SPON1: variants seen among roughly 807,000 people sequenced by gnomAD.
The protein encoded by SPON1 is spondin 1, also known as spondin-1.
Under a neutral mutation model 111.7 loss-of-function variants are expected in SPON1, and 52 were observed. The observed-to-expected ratio is 0.47, with a 90% CI of 0.37 to 0.59. The LOEUF (loss-of-function observed/expected upper bound fraction) is 0.59. Ranked by LOEUF, SPON1 falls within the 20% of genes least tolerant of loss-of-function variation. The probability of loss-of-function intolerance (pLI) is 0.00; values close to 1 mark genes in which losing one functional copy is unlikely to be tolerated. For missense variants in SPON1, 957 were observed against 1,068.5 expected (o/e 0.90, Z 1.46); for synonymous variants, 410 against 395.8 (o/e 1.04, Z -0.43).
chr11:14,177,657 A>T (rs1848192995), intron 6 of SPON1, among the ~76,000 whole-genome samples: 1 of 152,302 alleles, frequency 6.6e-6, no homozygotes, highest in Non-Finnish European at 1.5e-5. Flanking sequence ...TACAAAGGCA[A>T]TCTAGTCCCT....
intron 5 of SPON1, among the ~76,000 whole-genome samples, chr11:14,080,671 G>A (rs930472901): frequency 1.3e-5 from 2 of 152,132 alleles, no homozygotes; most frequent in Non-Finnish European, 1.5e-5. Context: ...TGGAAATAGC[G>A]GCAAAAGGGA....
chr11:14,137,710 AC>A (rs1286424468), intron 6 of SPON1, among the ~76,000 whole-genome samples: 2 of 152,146 alleles, frequency 1.3e-5, no homozygotes, highest in East Asian at 3.8e-4. Flanking sequence ...AGATGGCAGT[AC>A]CGTGAATTTC....
At chr11:14,019,898 C>G (rs1165669597) in intron 2 of SPON1, among the ~76,000 whole-genome samples, 1 of 152,168 alleles carries the variant, frequency 6.6e-6, no homozygotes, top group Non-Finnish European at 1.5e-5. Flanking sequence ...AGGCCACTAC[C>G]CCTTTTGTCA....
At chr11:14,240,214 A>T (rs1848910700) in intron 6 of SPON1, among the ~76,000 whole-genome samples, 1 of 152,232 alleles carries the variant, frequency 6.6e-6, no homozygotes, top group Admixed American at 6.5e-5. Context: ...AGGCATGGTG[A>T]TATGGCCATG....
intron 7 of SPON1, among the ~76,000 whole-genome samples, chr11:14,253,070 C>T (rs888913849): frequency 1.3e-5 from 2 of 152,196 alleles, no homozygotes; most frequent in African/African-American, 4.8e-5. Context: ...CAGGGAGCTT[C>T]TTAGGTAGCA....
At chr11:14,003,268 A>G (rs1290781189) in intron 2 of SPON1, among the ~76,000 whole-genome samples, 1 of 152,210 alleles carries the variant, frequency 6.6e-6, no homozygotes, top group Non-Finnish European at 1.5e-5. Context: ...TTCCAAAGAA[A>G]GGAGCACTAA....
chr11:13,979,667 A>G (rs1181108715), intron 1 of SPON1, among the ~76,000 whole-genome samples: 1 of 152,226 alleles, frequency 6.6e-6, no homozygotes, highest in Non-Finnish European at 1.5e-5. Context: ...TGGACCTTTC[A>G]TCTTAGGCAG....
chr11:14,076,527 T>G (rs1554921462), intron 4 of SPON1, among the ~76,000 whole-genome samples: 1 of 152,210 alleles, frequency 6.6e-6, no homozygotes, highest in Non-Finnish European at 1.5e-5. Flanking sequence ...ATTATTATAT[T>G]TTTATTTTAT....
Position 13,982,970 on chromosome 11 carries a change from G to T in SPON1, c.345+17G>T, listed in dbSNP as rs372640013. On this transcript the variant is annotated intron_variant, in intron 2 of 15. Transcript: ENST00000576479. ...ACCTTCCAGGTAAGACCCTGCCTGGGCTTATTCAGTGGCCCTCCCTGCCCT... is the reference window on the plus strand; with the variant it reads ...ACCTTCCAGGTAAGACCCTGCCTGGTCTTATTCAGTGGCCCTCCCTGCCCT... The T allele has an allele frequency of 4.0e-6, 6 of 1,501,850 alleles. No individual in the cohort carries two copies. The highest frequency in any genetic ancestry group is 4.5e-6 in the Non-Finnish European group (5 of 1,101,482). The allele number at this position is 1,501,850 out of a possible 1,614,324, so 93.0% of individuals were successfully genotyped here. A position where few individuals can be genotyped will look rare whatever the true frequency, so the allele number is the denominator to read the frequency against.
In SPON1 at chr11:14,259,411, A is replaced by G. The variant is rs1476217257; in HGVS notation, c.1624A>G (p.Thr542Ala). ...GGACGGCTCCGTGTGCACGCTGCCC[A>G]CTGAGGAAACGGAGAAGTGCACGGT... ...PEDGSVCTLP[T>A]EETEKCTVNE... The change falls in exon 12 of 16, where the codon ACT becomes GCT. Residue 542 changes from threonine to alanine, a missense_variant. By Grantham distance (58) the Thr-to-Ala change is moderately conservative (BLOSUM62 0). This residue lies in a region of SPON1 where 549 missense variants were observed against 606.2 expected (regional missense o/e 0.91). Transcript: ENST00000576479. The surrounding 1 kb of genome is among the most constrained non-coding windows in gnomAD (Gnocchi z 5.0). 58 of 1,610,886 alleles carry G rather than the reference A, an allele frequency of 3.6e-5. No homozygotes were observed. Among genetic ancestry groups the G allele is most frequent in the Non-Finnish European group, 4.5e-5 (53 of 1,178,902 alleles).
intron 6 of SPON1, among the ~76,000 whole-genome samples, chr11:14,189,196 T>C (rs1848317401): frequency 6.6e-6 from 1 of 152,244 alleles, no homozygotes; most frequent in Non-Finnish European, 1.5e-5. Context: ...AAGCCAATGA[T>C]TGCAGAGTCC....
chr11:14,050,199 ACT>A (rs1848698121), intron 3 of SPON1, among the ~76,000 whole-genome samples: 1 of 152,164 alleles, frequency 6.6e-6, no homozygotes, highest in Admixed American at 6.5e-5. Flanking sequence ...ATGATGTCTA[ACT>A]CTGTATATTT....
At chr11:14,178,045 AACACAC>A (rs5789825) in intron 6 of SPON1, among the ~76,000 whole-genome samples, 90 of 142,702 alleles carry the variant, frequency 6.3e-4, no homozygotes, top group African/African-American at 2.0e-3. Flanking sequence ...CACACACACA[AACACAC>A]ACACACACAC....
In SPON1 at chr11:14,262,919, G is replaced by A. The variant is rs782247429; in HGVS notation, c.2204G>A (p.Arg735Gln). 21 of 1,613,702 alleles carry A rather than the reference G, an allele frequency of 1.3e-5. No individual in the cohort carries two copies. Among genetic ancestry groups the A allele is most frequent in the East Asian group, 2.2e-5 (1 of 44,878 alleles). ...SIQKLRWREA[R>Q]ESRRSEQLKE... is the part of the protein sequence containing the mutation. ...CAAAAGCTACGCTGGAGGGAGGCCC[G>A]AGAGAGCCGGCGGAGTGAGCAGCTG... Residue 735 changes from arginine (R) to glutamine (Q), a missense_variant, in exon 15 of 16, where the codon CGA (arginine) becomes CAA (glutamine). Around this residue, in one of 5 missense-constraint regions of SPON1, gnomAD observed 549 missense variants for 606.2 expected, o/e 0.91. Coordinates refer to ENST00000576479, the MANE Select transcript of SPON1 (RefSeq NM_006108.4).
intron 5 of SPON1, among the ~76,000 whole-genome samples, chr11:14,095,387 G>A (rs1395822981): frequency 1.3e-5 from 2 of 150,830 alleles, no homozygotes; most frequent in Non-Finnish European, 2.9e-5. Flanking sequence ...ACCAACAGGA[G>A]ATAGATAAAT....
chr11:14,129,605 C>T (rs868977148), intron 5 of SPON1, among the ~76,000 whole-genome samples: 5 of 152,154 alleles, frequency 3.3e-5, no homozygotes, highest in Non-Finnish European at 5.9e-5. Context: ...TCTTGTGAGC[C>T]CTCCAAACTG....
At chr11:14,057,108 CAGG>C (rs1591363503) in intron 3 of SPON1, among the ~76,000 whole-genome samples, 1 of 152,046 alleles carries the variant, frequency 6.6e-6, no homozygotes, top group East Asian at 1.9e-4. Flanking sequence ...TGATAAGGAA[CAGG>C]AGGTTTCTAT....
intron 5 of SPON1, among the ~76,000 whole-genome samples, chr11:14,134,172 C>G (rs1847564207): frequency 6.6e-6 from 1 of 151,854 alleles, no homozygotes; most frequent in South Asian, 2.1e-4. Flanking sequence ...TTCAAGTTTT[C>G]CTCTTTGATA....
intron 1 of SPON1, among the ~76,000 whole-genome samples, chr11:13,976,411 G>T (rs1554909057): frequency 6.6e-6 from 1 of 152,132 alleles, no homozygotes; most frequent in Non-Finnish European, 1.5e-5. Context: ...GTATAATGAG[G>T]TTCTCTGGAA....
Sources: gnomAD v4.1 joint callset for allele counts (sites outside exome capture counted in the v4.1 genomes callset) on GRCh38, gnomAD v4.1.1 for gene constraint, gnomAD v4.1.1 regional missense constraint, Gnocchi (gnomAD v3.1) non-coding constraint, MANE v1.5 for transcripts, NCBI Gene and HGNC (gene_info 2026-07-23, HGNC 2026-07-21) for gene names.